MGAT4C: variants seen among roughly 807,000 people sequenced by gnomAD.
MGAT4C encodes MGAT4 family member C.
A neutral mutation model predicts 40.1 loss-of-function variants in MGAT4C; 19 were observed. The observed-to-expected ratio is 0.47, with a 90% CI of 0.33 to 0.70. MGAT4C has a LOEUF of 0.70. MGAT4C is among the 30% of genes least tolerant of loss of function. MGAT4C has a pLI of 0.02. For missense variants in MGAT4C, 491 were observed against 563.2 expected, an observed-to-expected ratio of 0.87 and a Z score of 1.30; for synonymous variants, 181 against 187.1, an observed-to-expected ratio of 0.97 and a Z score of 0.27.
intron 1 of MGAT4C, among the ~76,000 whole-genome samples, chr12:86,097,128 A>C (rs865720): frequency 0.57 from 86,317 of 151,296 alleles, 25,478 homozygotes; most frequent in East Asian, 0.92. Context: ...GCATGTTTGC[A>C]TACAATCTTG....
chr12:86,453,351 C>A (rs1413384862), intron 2 of MGAT4C, among the ~76,000 whole-genome samples: 1 of 152,068 alleles, frequency 6.6e-6, no homozygotes, highest in Non-Finnish European at 1.5e-5. Flanking sequence ...TCAGTAGAAA[C>A]ACAACCATAT....
At chr12:86,122,618 T>C (rs1240204897) in intron 1 of MGAT4C, among the ~76,000 whole-genome samples, 1 of 152,148 alleles carries the variant, frequency 6.6e-6, no homozygotes, top group Non-Finnish European at 1.5e-5. Flanking sequence ...ACTACATATA[T>C]ATAAACACTG....
Position 86,248,194 on chromosome 12 carries a change from T to TCTTCCTTCCTTCCTTC in MGAT4C, c.-57+8029_-57+8044dup, listed in dbSNP as rs71076174. On this transcript the variant is annotated intron_variant, in intron 1 of 4. Coordinates refer to ENST00000611864, the MANE Select transcript of MGAT4C (RefSeq NM_001351288.2). ...GTACACAAAGAAAGAACCTAGTTTC[T>TCTTCCTTCCTTCCTTC]CTTCCTTCCTTCCTTCCTTCCTTCC... Among the ~76,000 whole-genome samples the TCTTCCTTCCTTCCTTC allele has an allele frequency of 1.4e-3, 195 of 140,420 alleles. 3 individuals carry two copies. The highest frequency in any genetic ancestry group is 3.9e-3 in the East Asian group (18 of 4,586). 92.1% of individuals were successfully genotyped at this position (140,420 alleles called of 152,430 possible). A position where few individuals can be genotyped will look rare whatever the true frequency, so the allele number is the denominator to read the frequency against.
intron 1 of MGAT4C, among the ~76,000 whole-genome samples, chr12:86,818,364 AG>A (rs1163504142): frequency 3.3e-5 from 5 of 151,328 alleles, no homozygotes; most frequent in Non-Finnish European, 5.9e-5. Flanking sequence ...ATCAGTGAAC[AG>A]GTGAAACCAT....
intron 2 of MGAT4C, among the ~76,000 whole-genome samples, chr12:86,549,041 G>A (rs1959229347): frequency 6.6e-6 from 1 of 152,008 alleles, no homozygotes; most frequent in African/African-American, 2.4e-5. Context: ...CTACTTCACA[G>A]GGATTTTTTG....
chr12:86,686,502 T>C (rs1176886340), intron 2 of MGAT4C, among the ~76,000 whole-genome samples: 7 of 152,216 alleles, frequency 4.6e-5, no homozygotes. Flanking sequence ...TGTTTTGAGA[T>C]GTGCTCCATC....
intron 1 of MGAT4C, among the ~76,000 whole-genome samples, chr12:86,147,619 A>G (rs1307110192): frequency 6.6e-6 from 1 of 152,232 alleles, no homozygotes; most frequent in Non-Finnish European, 1.5e-5. Flanking sequence ...TGGGTGAAGT[A>G]TAATCCTAAT....
intron 2 of MGAT4C, among the ~76,000 whole-genome samples, chr12:86,604,053 G>A (rs1334575567): frequency 6.6e-6 from 1 of 151,842 alleles, no homozygotes; most frequent in African/African-American, 2.4e-5. Flanking sequence ...CTGAGGGAAA[G>A]AAGAGTTGCT....
At chr12:86,348,066 T>C (rs1955078420) in intron 3 of MGAT4C, among the ~76,000 whole-genome samples, 1 of 152,160 alleles carries the variant, frequency 6.6e-6, no homozygotes, top group South Asian at 2.1e-4. Flanking sequence ...AAATTATACT[T>C]CTTCAAATTT....
chr12:86,467,325 G>A (rs1368732828), intron 2 of MGAT4C, among the ~76,000 whole-genome samples: 3 of 152,164 alleles, frequency 2.0e-5, no homozygotes, highest in East Asian at 1.9e-4. Flanking sequence ...ATGGCAAAAC[G>A]ACAACAAATT....
intron 2 of MGAT4C, among the ~76,000 whole-genome samples, chr12:86,640,622 A>T (rs1020690349): frequency 6.6e-5 from 10 of 151,736 alleles, no homozygotes; most frequent in Non-Finnish European, 1.5e-4. Context: ...CTCTGATTTT[A>T]GTTATTTCTT....
intron 1 of MGAT4C, among the ~76,000 whole-genome samples, chr12:86,226,334 T>A (rs1016868216): frequency 9.2e-5 from 14 of 152,040 alleles, no homozygotes; most frequent in African/African-American, 3.1e-4. Context: ...TTAAAAAGTA[T>A]GAAAAAATCA....
intron 2 of MGAT4C, among the ~76,000 whole-genome samples, chr12:86,039,838 G>T (rs951856312): frequency 3.9e-5 from 6 of 152,144 alleles, no homozygotes; most frequent in African/African-American, 1.2e-4. Context: ...TTTTGCATTG[G>T]TTTTTCGCTT....
intron 1 of MGAT4C, among the ~76,000 whole-genome samples, chr12:86,070,184 CAA>C (rs1359347627): frequency 6.6e-6 from 1 of 151,282 alleles, no homozygotes; most frequent in African/African-American, 2.4e-5. Flanking sequence ...ATAAACTTAA[CAA>C]AGTCTATTCT....
chr12:86,455,363 T>C (rs1205010039), intron 2 of MGAT4C, among the ~76,000 whole-genome samples: 9 of 152,136 alleles, frequency 5.9e-5, no homozygotes, highest in Admixed American at 5.9e-4. Context: ...TTTTTGCTCC[T>C]CTAGATGAGG....
At chr12:86,409,486 T>C (rs1013638127) in intron 3 of MGAT4C, among the ~76,000 whole-genome samples, 2 of 152,070 alleles carry the variant, frequency 1.3e-5, no homozygotes, top group Admixed American at 1.3e-4. Flanking sequence ...GTATGCTTGT[T>C]AACAAAAACT....
At chr12:86,183,428 A>G (rs146538983) in intron 1 of MGAT4C, among the ~76,000 whole-genome samples, 2 of 152,196 alleles carry the variant, frequency 1.3e-5, no homozygotes, top group Non-Finnish European at 2.9e-5. Context: ...TAAAAATAAT[A>G]CCAATCTCAT....
At chr12:86,518,685 T>C (rs1389286519) in intron 2 of MGAT4C, among the ~76,000 whole-genome samples, 1 of 152,138 alleles carries the variant, frequency 6.6e-6, no homozygotes, top group Non-Finnish European at 1.5e-5. Context: ...TTCCTAGGCC[T>C]TTCCATATGA....
intron 2 of MGAT4C, among the ~76,000 whole-genome samples, chr12:86,609,699 G>A (rs1193223773): frequency 4.0e-5 from 6 of 151,494 alleles, no homozygotes; most frequent in African/African-American, 9.7e-5. Flanking sequence ...TACGAGTTGC[G>A]TGGAGGCCCT....
Sources: allele counts gnomAD v4.1 joint callset (sites outside exome capture counted in the v4.1 genomes callset), GRCh38; gene constraint gnomAD v4.1.1; transcripts MANE v1.5; gene names NCBI Gene and HGNC (gene_info 2026-07-23, HGNC 2026-07-21).